ORC3: variants seen among roughly 807,000 people sequenced by gnomAD.
ORC3 encodes the protein homolog of latheo, Drosophila.
A neutral mutation model predicts 100.7 loss-of-function variants in ORC3; 78 were observed. The ratio of observed to expected loss-of-function variants is 0.77; its 90% confidence interval spans 0.65 to 0.94. ORC3 has a LOEUF of 0.94. Among genes scored for constraint, ORC3 ranks in the 40% least tolerant of loss-of-function variants. The pLI is 0.00. For missense variants in ORC3, 789 were observed against 823.9 expected, an observed-to-expected ratio of 0.96 and a Z score of 0.52; for synonymous variants, 295 against 289.3, an observed-to-expected ratio of 1.02 and a Z score of -0.20.
At chr6:87,648,361 AT>A (rs1768967298) in intron 13 of ORC3, among the ~76,000 whole-genome samples, 1 of 152,148 alleles carries the variant, frequency 6.6e-6, no homozygotes, top group Non-Finnish European at 1.5e-5. Flanking sequence ...CACTTCAGAT[AT>A]TTTTCCACAC....
intron 5 of ORC3, 48 bp from the exon 6 acceptor site, chr6:87,607,625 T>C: frequency 6.8e-7 from 1 of 1,479,992 alleles, no homozygotes; most frequent in Non-Finnish European, 9.1e-7. Flanking sequence ...TTTGGTTTTA[T>C]TTTTAGAAGA....
At chr6:87,666,549 C>A (rs1031626049) in intron 19 of ORC3, among the ~76,000 whole-genome samples, 9 of 151,374 alleles carry the variant, frequency 5.9e-5, no homozygotes. Flanking sequence ...AGCGATTCTC[C>A]TGCCTCAGCT....
At chr6:87,652,663 G>A (rs572705049) in intron 13 of ORC3, among the ~76,000 whole-genome samples, 5 of 152,266 alleles carry the variant, frequency 3.3e-5, no homozygotes, top group South Asian at 4.1e-4. Context: ...TCATATGTAC[G>A]TTTAGATCAA....
chr6:87,599,316 T>G (rs912556753), intron 2 of ORC3, among the ~76,000 whole-genome samples: 3 of 152,136 alleles, frequency 2.0e-5, no homozygotes, highest in African/African-American at 7.2e-5. Flanking sequence ...TTGTTCTTTT[T>G]AAAGCTACCT....
chr6:87,664,976 T>C, intron 18 of ORC3, 117 bp downstream of exon 18: 1 of 660,264 alleles, frequency 1.5e-6, no homozygotes, highest in Non-Finnish European at 2.6e-6. Context: ...ATGCCTTGTC[T>C]TTTATTTGGA....
At chr6:87,614,855 G>T (rs1011085676) in intron 8 of ORC3, among the ~76,000 whole-genome samples, 2 of 152,062 alleles carry the variant, frequency 1.3e-5, no homozygotes, top group African/African-American at 4.8e-5. Flanking sequence ...AAGTCTCTAG[G>T]TAGTTACAAA....
the ORC3 span, among the ~76,000 whole-genome samples, chr6:87,677,092 A>T: frequency 6.6e-6 from 1 of 151,972 alleles, no homozygotes; most frequent in Non-Finnish European, 1.5e-5. Flanking sequence ...AAAAAAAAAA[A>T]AAAAATTAAA....
At chr6:87,654,636 A>G (rs62417727) in intron 14 of ORC3, among the ~76,000 whole-genome samples, 8,828 of 152,292 alleles carry the variant, frequency 0.058, 308 homozygotes, top group African/African-American at 0.099. Flanking sequence ...ATACGCCCTA[A>G]TAGTGATCAC....
rs1778430417 is a variant in ORC3 at position 87,607,533 on chromosome 6, A to G, written c.428-140A>G. 4 of 599,274 alleles carry G rather than the reference A, an allele frequency of 6.7e-6. No homozygotes were observed. In the Admixed American group the frequency reaches 9.7e-5, roughly 15 times the overall value. The allele number at this position is 599,274 out of a possible 1,614,324, so 37.1% of individuals were successfully genotyped here. A position where few individuals can be genotyped will look rare whatever the true frequency, so the allele number is the denominator to read the frequency against. On this transcript the variant is annotated intron_variant, in intron 5 of 19. Coordinates refer to ENST00000392844, the MANE Select transcript of ORC3 (RefSeq NM_012381.4). Reference sequence around the variant, plus strand: ...CAGTAGTTAATATGTTAAATGTTACATTAGCTGTATTGATGGTAAGTATAA... The same window carrying G: ...CAGTAGTTAATATGTTAAATGTTACGTTAGCTGTATTGATGGTAAGTATAA...
intron 19 of ORC3, 73 bp downstream of exon 19, chr6:87,665,906 C>CA: frequency 1.1e-6 from 1 of 878,558 alleles, no homozygotes; most frequent in Non-Finnish European, 1.8e-6. Context: ...TCCAGGTCTA[C>CA]ACTAGATATT....
chr6:87,638,852 G>A (rs907611853), intron 13 of ORC3, among the ~76,000 whole-genome samples: 1 of 151,800 alleles, frequency 6.6e-6, no homozygotes, highest in Non-Finnish European at 1.5e-5. Context: ...TAAGTGTTAA[G>A]TACTTATATG....
chr6:87,603,600 G>C, intron 4 of ORC3, 72 bp downstream of exon 4: 2 of 938,022 alleles, frequency 2.1e-6, no homozygotes, highest in South Asian at 5.7e-5. Flanking sequence ...TTATTGTTGA[G>C]AATAGTGGAA....
intron 13 of ORC3, among the ~76,000 whole-genome samples, chr6:87,642,185 A>G (rs1057381289): frequency 7.2e-5 from 11 of 152,196 alleles, no homozygotes; most frequent in African/African-American, 2.7e-4. Flanking sequence ...AGCCCAAGCT[A>G]CTTGGAGGCT....
chr6:87,657,116 C>T, intron 15 of ORC3, 134 bp downstream of exon 15: 1 of 637,168 alleles, frequency 1.6e-6, no homozygotes, highest in Non-Finnish European at 2.8e-6. Flanking sequence ...AGACTTTTAA[C>T]TCACTTCTAA....
intron 14 of ORC3, among the ~76,000 whole-genome samples, chr6:87,655,290 ATCC>A (rs1037802711): frequency 4.9e-4 from 74 of 151,744 alleles, no homozygotes; most frequent in African/African-American, 1.7e-3. Context: ...GGCTCAAGTA[ATCC>A]TCCTGCCTCC....
chr6:87,630,545 C>T (rs562322120), intron 11 of ORC3, among the ~76,000 whole-genome samples: 1 of 152,132 alleles, frequency 6.6e-6, no homozygotes, highest in African/African-American at 2.4e-5. Flanking sequence ...ACCAAACAGC[C>T]AAAACTTCTA....
chr6:87,661,254 C>T (rs1770155038), intron 16 of ORC3, among the ~76,000 whole-genome samples: 1 of 152,140 alleles, frequency 6.6e-6, no homozygotes, highest in Non-Finnish European at 1.5e-5. Flanking sequence ...TGGTAGCCAG[C>T]CATCACAGAA....
At chr6:87,608,269 T>C (rs1778492471) in intron 6 of ORC3, among the ~76,000 whole-genome samples, 1 of 152,222 alleles carries the variant, frequency 6.6e-6, no homozygotes, top group African/African-American at 2.4e-5. Flanking sequence ...TAATTTGTTT[T>C]ATGTTTAGAG....
chr6:87,646,768 C>T (rs1018759206), intron 13 of ORC3, among the ~76,000 whole-genome samples: 3 of 152,182 alleles, frequency 2.0e-5, no homozygotes, highest in Admixed American at 6.5e-5. Context: ...ATTACAGTGC[C>T]CCAGGGCTTA....
Sources: allele counts gnomAD v4.1 joint callset (sites outside exome capture counted in the v4.1 genomes callset), GRCh38; gene constraint gnomAD v4.1.1; transcripts MANE v1.5; gene names NCBI Gene and HGNC (gene_info 2026-07-23, HGNC 2026-07-21).